Variants in BNC2 observed in about 807,000 individuals in gnomAD.
BNC2 encodes the protein basonuclin zinc finger protein 2.
BNC2 carries 20 observed loss-of-function variants against 76.3 expected under a neutral mutation model. The observed-to-expected ratio is 0.26, with a 90% CI of 0.18 to 0.38. BNC2 has a LOEUF of 0.38. BNC2 is among the 10% of genes least tolerant of loss of function. The pLI is 1.00. For missense variants in BNC2, 1,382 were observed against 1,399.8 expected (o/e 0.99, Z 0.20); for synonymous variants, 582 against 514.8 (o/e 1.13, Z -1.77).
intron 5 of BNC2, among the ~76,000 whole-genome samples, chr9:16,453,924 TCACATA>T (rs1821393681): frequency 6.6e-6 from 1 of 152,192 alleles, no homozygotes; most frequent in African/African-American, 2.4e-5. Context: ...GTCTTAGTTC[TCACATA>T]CACACTCTGA....
intron 1 of BNC2, among the ~76,000 whole-genome samples, chr9:16,869,666 C>T (rs1278140676): frequency 2.0e-5 from 3 of 152,180 alleles, no homozygotes; most frequent in African/African-American, 7.2e-5. Flanking sequence ...AGTGGTCAAG[C>T]CCCATTTCTA....
At chr9:16,761,220 C>T (rs982895628) in intron 1 of BNC2, among the ~76,000 whole-genome samples, 1 of 152,074 alleles carries the variant, frequency 6.6e-6, no homozygotes, top group Non-Finnish European at 1.5e-5. Context: ...TGCACTCCAG[C>T]CTGGCAGACA....
intron 5 of BNC2, among the ~76,000 whole-genome samples, chr9:16,500,137 C>A (rs1391941658): frequency 6.6e-6 from 1 of 152,064 alleles, no homozygotes; most frequent in Non-Finnish European, 1.5e-5. Flanking sequence ...CATGCTGACT[C>A]TACCCTGGTT....
chr9:16,514,453 T>C (rs1822831773), intron 5 of BNC2, among the ~76,000 whole-genome samples: 2 of 152,176 alleles, frequency 1.3e-5, no homozygotes, highest in East Asian at 1.9e-4. Context: ...TCTTTTGTTA[T>C]GTGTTTTTCA....
intron 1 of BNC2, among the ~76,000 whole-genome samples, chr9:16,752,425 G>GC (rs1554722834): frequency 3.3e-5 from 5 of 151,718 alleles, no homozygotes; most frequent in Non-Finnish European, 7.4e-5. Flanking sequence ...TGAAGTCAAT[G>GC]TGTTTGGGCG....
At chr9:16,583,799 T>C (rs1341027602) in intron 3 of BNC2, among the ~76,000 whole-genome samples, 2 of 152,192 alleles carry the variant, frequency 1.3e-5, no homozygotes, top group South Asian at 4.1e-4. Flanking sequence ...GAAAAAATCA[T>C]TTATGTGAAT....
chr9:16,713,163 T>A (rs1823898913), intron 3 of BNC2, among the ~76,000 whole-genome samples: 1 of 152,070 alleles, frequency 6.6e-6, no homozygotes, highest in African/African-American at 2.4e-5. Flanking sequence ...CCAGCTACAC[T>A]TTTTTTTAAG....
chr9:16,705,192 C>T (rs1046257861), intron 3 of BNC2: 3 of 143,438 alleles, frequency 2.1e-5, no homozygotes, highest in East Asian at 2.3e-4. Context: ...GCTAAATGCA[C>T]TGTGGCAATA....
At chr9:16,565,956 A>AC (rs75995512) in intron 4 of BNC2, among the ~76,000 whole-genome samples, 29,493 of 152,044 alleles carry the variant, frequency 0.19, 5,147 homozygotes, top group African/African-American at 0.46. Flanking sequence ...CAAGAGAAGA[A>AC]CCAAGATGAC....
chr9:16,531,252 A>C (rs1038298106), intron 5 of BNC2, among the ~76,000 whole-genome samples: 2 of 152,104 alleles, frequency 1.3e-5, no homozygotes, highest in Non-Finnish European at 2.9e-5. Flanking sequence ...ACTTAAACCA[A>C]ACACTCTCTG....
chr9:16,597,829 AATTT>A (rs1346052835), intron 3 of BNC2, among the ~76,000 whole-genome samples: 3 of 151,990 alleles, frequency 2.0e-5, no homozygotes, highest in African/African-American at 7.2e-5. Flanking sequence ...TTTTAAATAT[AATTT>A]ATTTATTTAT....
chr9:16,750,101 T>C (rs1825143979), intron 1 of BNC2, among the ~76,000 whole-genome samples: 2 of 152,182 alleles, frequency 1.3e-5, no homozygotes, highest in South Asian at 2.1e-4. Flanking sequence ...TTGTGAGAAA[T>C]AAATTAACAA....
intron 4 of BNC2, among the ~76,000 whole-genome samples, chr9:16,569,681 T>C (rs1819266145): frequency 6.6e-6 from 1 of 152,226 alleles, no homozygotes; most frequent in Non-Finnish European, 1.5e-5. Context: ...CTTTCTTACA[T>C]GGCCCACTTT....
intron 6 of BNC2, among the ~76,000 whole-genome samples, chr9:16,423,847 C>T (rs1390176821): frequency 6.6e-6 from 1 of 152,188 alleles, no homozygotes; most frequent in Non-Finnish European, 1.5e-5. Context: ...CCTCTGTACT[C>T]TTTCTATACT....
At chr9:16,851,624 CTT>C (rs1403968801) in intron 1 of BNC2, among the ~76,000 whole-genome samples, 1 of 152,172 alleles carries the variant, frequency 6.6e-6, no homozygotes, top group Admixed American at 6.5e-5. Flanking sequence ...TACTGTAAAA[CTT>C]TTCATAGCAA....
intron 6 of BNC2, 108 bp downstream of exon 6, chr9:16,435,447 A>T: frequency 7.7e-7 from 1 of 1,304,352 alleles, no homozygotes; most frequent in African/African-American, 1.5e-5. Flanking sequence ...CAATCTTTAC[A>T]GTGCACCAAA....
chr9:16,519,723 T>C (rs1170423331), intron 5 of BNC2, among the ~76,000 whole-genome samples: 2 of 152,188 alleles, frequency 1.3e-5, no homozygotes, highest in Non-Finnish European at 2.9e-5. Context: ...TACAACCCTG[T>C]AAGGTAGACA....
intron 3 of BNC2, among the ~76,000 whole-genome samples, chr9:16,673,043 GT>G (rs1276465980): frequency 1.3e-5 from 2 of 152,024 alleles, no homozygotes; most frequent in African/African-American, 2.4e-5. Context: ...TTTTGGGGGG[GT>G]TTTTTATTTT....
intron 3 of BNC2, among the ~76,000 whole-genome samples, chr9:16,598,103 T>C (rs1449139528): frequency 6.6e-6 from 1 of 152,206 alleles, no homozygotes; most frequent in Non-Finnish European, 1.5e-5. Flanking sequence ...TTTGTTACTA[T>C]TCACATCACG....
Sources: gnomAD v4.1 joint callset for allele counts (sites outside exome capture counted in the v4.1 genomes callset) on GRCh38, gnomAD v4.1.1 for gene constraint, MANE v1.5 for transcripts, NCBI Gene and HGNC (gene_info 2026-07-23, HGNC 2026-07-21) for gene names.